Variants in CHPF2 observed in about 807,000 individuals in gnomAD.
CHPF2 encodes chondroitin polymerizing factor 2, also known as chondroitin polymerizing factor 2, non-catalytic subunit.
CHPF2 carries 58 observed loss-of-function variants against 63.0 expected under a neutral mutation model. The observed-to-expected ratio is 0.92, with a 90% CI of 0.75 to 1.15. The LOEUF is 1.15. Ranked by LOEUF, CHPF2 falls within the 50% of genes most tolerant of loss-of-function variation. The probability of loss-of-function intolerance (pLI) is 0.00; values close to 1 mark genes in which losing one functional copy is unlikely to be tolerated. For missense variants in CHPF2, 1,045 were observed against 1,035.4 expected (o/e 1.01, Z -0.13); for synonymous variants, 442 against 438.0 (o/e 1.01, Z -0.11).
At position 151,235,045 on chromosome 7, in the gene CHPF2, C is replaced by T; in HGVS notation, c.264-3C>T. ...GACCTCTGGCACACTGGTCTTTCCA[C>T]AGGACTCGGTACATCCAGACAGAGC... is the stretch of plus-strand genomic sequence containing the variant. On this transcript the variant is annotated splice_region_variant and splice_polypyrimidine_tract_variant and intron_variant, in intron 1 of 3. Coordinates refer to ENST00000035307, the MANE Select transcript of CHPF2 (RefSeq NM_019015.3). 6.5e-7 allele frequency: 1 copy of T among 1,531,942 alleles called. No homozygotes were observed. Among genetic ancestry groups the T allele is most frequent in the Non-Finnish European group, 8.8e-7 (1 of 1,137,098 alleles). The allele number at this position is 1,531,942 out of a possible 1,614,324, so 94.9% of individuals were successfully genotyped here. A position where few individuals can be genotyped will look rare whatever the true frequency, so the allele number is the denominator to read the frequency against.
Position 151,237,609 on chromosome 7 carries a change from G to A in CHPF2, c.1247G>A (p.Arg416Gln), listed in dbSNP as rs533407252. Residue 416 changes from arginine to glutamine, a missense_variant, in exon 4 of 4, where the codon CGG (arginine) becomes CAG (glutamine). By Grantham distance (43) the Arg-to-Gln change is conservative. Transcript: ENST00000035307. Reference sequence around the variant, plus strand: ...GAGACTGCCCTGGAGCAGCTCAATCGGCGCTATCAGCCCCGCCTGCGCTTC... The same window carrying A: ...GAGACTGCCCTGGAGCAGCTCAATCAGCGCTATCAGCCCCGCCTGCGCTTC... ...ALETALEQLN[R>Q]RYQPRLRFQK... The A allele has an allele frequency of 8.1e-6, 13 of 1,613,134 alleles. No individual in the cohort carries two copies. The Admixed American group carries it at 8.3e-5, about 10-fold the overall frequency.
In CHPF2 at chr7:151,235,588, C is replaced by T. The variant is rs113511143; in HGVS notation, c.804C>T (p.Gly268=). 2.3e-5 allele frequency: 37 copies of T among 1,605,588 alleles called. No individual in the cohort carries two copies. The highest frequency in any genetic ancestry group is 6.7e-5 in the Admixed American group (4 of 59,968). ...WLGRCLIDSL[G]VGCVSQHQGQ... is the part of the protein sequence containing the mutation. ...GACGCTGCCTCATTGACTCTCTGGG[C>T]GTCGGCTGTGTCTCACAGCACCAGG... is the stretch of plus-strand genomic sequence containing the variant. Residue 268 remains glycine (G), a synonymous_variant, in exon 2 of 4, where the codon GGC becomes GGT. Transcript: ENST00000035307.
Position 151,237,771 on chromosome 7 carries a change from G to A in CHPF2, c.1409G>A (p.Arg470Gln), listed in dbSNP as rs1363786972. The A allele has an allele frequency of 4.3e-6, 7 of 1,612,294 alleles. No homozygotes were observed. The highest frequency in any genetic ancestry group is 4.0e-5 in the African/African-American group (3 of 74,920). Reference sequence around the variant, plus strand: ...CTGGCTCGCAGGGTCAGCCTGCTGCGGCCACTGAGCCGGGTGGAAATCCTA... The same window carrying A: ...CTGGCTCGCAGGGTCAGCCTGCTGCAGCCACTGAGCCGGGTGGAAATCCTA... The part of the protein sequence containing the change: ...RALARRVSLL[R>Q]PLSRVEILPM... Residue 470 changes from arginine to glutamine, a missense_variant, in exon 4 of 4, where the codon CGG becomes CAG. Transcript: ENST00000035307.
At position 151,233,182 on chromosome 7, in the gene CHPF2, G is replaced by C; in HGVS notation, c.-830G>C. 3.8e-6 allele frequency: 4 copies of C among 1,040,988 alleles called. No homozygotes were observed. Among genetic ancestry groups the C allele is most frequent in the African/African-American group, 1.7e-5 (1 of 59,308 alleles). The allele number at this position is 1,040,988 out of a possible 1,614,324, so 64.5% of individuals were successfully genotyped here. Reference sequence around the variant, plus strand: ...CCAGGCACCGAATCGCTCGCACACAGAGTTCCAGTCCCCGCCTGCTGTCTC... The same window carrying C: ...CCAGGCACCGAATCGCTCGCACACACAGTTCCAGTCCCCGCCTGCTGTCTC... On this transcript the variant is annotated 5_prime_UTR_variant, in exon 1 of 4. Coordinates refer to ENST00000035307, the MANE Select transcript of CHPF2 (RefSeq NM_019015.3).
At chr7:151,236,623 C>A (rs182899436) in intron 3 of CHPF2, 33 bp downstream of exon 3, 6 of 1,513,668 alleles carry the variant, frequency 4.0e-6, no homozygotes, top group South Asian at 1.3e-5. Flanking sequence ...GGCAGAGGAC[C>A]GCAGTCAGAG....
At position 151,234,271 on chromosome 7, in the gene CHPF2, T is replaced by C; in HGVS notation, c.260T>C (p.Leu87Pro). 2 of 1,583,272 alleles carry C rather than the reference T, an allele frequency of 1.3e-6. No homozygotes were observed. Among genetic ancestry groups the C allele is most frequent in the Non-Finnish European group, 1.7e-6 (2 of 1,164,666 alleles). ...CCCAACAAGCCCTACAAGAAGGTGCTCAGGTGAGAGCAACATGTGTGCATA... is the reference window on the plus strand; with the variant it reads ...CCCAACAAGCCCTACAAGAAGGTGCCCAGGTGAGAGCAACATGTGTGCATA... ...RDPNKPYKKV[L>P]RTRYIQTELG... Residue 87 changes from leucine to proline, a missense_variant, in exon 1 of 4, where the codon CTC becomes CCC. Leu to Pro is a moderately conservative substitution (Grantham distance 98). Transcript: ENST00000035307.
Position 151,235,614 on chromosome 7 carries a change from T to C in CHPF2, c.828+2T>C. 3 of 1,600,276 alleles carry C rather than the reference T, an allele frequency of 1.9e-6. No homozygotes were observed. Among genetic ancestry groups the C allele is most frequent in the South Asian group, 2.2e-5 (2 of 90,610 alleles). The stretch of plus-strand genomic sequence containing the variant: ...GTCGGCTGTGTCTCACAGCACCAGG[T>C]GACAGCTCTTTCAAGTCAGTCCCAG... On this transcript the variant is annotated splice_donor_variant, in intron 2 of 3. Coordinates refer to ENST00000035307, the MANE Select transcript of CHPF2 (RefSeq NM_019015.3). LOFTEE classifies it high-confidence loss of function.
Position 151,235,383 on chromosome 7 carries a change from G to C in CHPF2, c.599G>C (p.Ser200Thr), listed in dbSNP as rs1022036911. The C allele has an allele frequency of 5.6e-6, 9 of 1,613,658 alleles. No individual in the cohort carries two copies. The South Asian group carries it at 8.8e-5, about 16-fold the overall frequency. ...PRLAALAGHL[S>T]INQDLYLGRA... Reference sequence around the variant, plus strand: ...CTGGCAGCCCTTGCTGGCCACCTCAGCATCAACCAAGACCTGTACTTAGGC... The same window carrying C: ...CTGGCAGCCCTTGCTGGCCACCTCACCATCAACCAAGACCTGTACTTAGGC... The change falls in exon 2 of 4, where the codon AGC becomes ACC. Residue 200 changes from serine (S) to threonine (T), a missense_variant. Coordinates refer to ENST00000035307, the MANE Select transcript of CHPF2 (RefSeq NM_019015.3).
chr7:151,237,193 A>C (rs942618327), intron 3 of CHPF2, 181 bp from the exon 4 acceptor site: 2 of 611,792 alleles, frequency 3.3e-6, no homozygotes, highest in African/African-American at 3.7e-5. Context: ...TTCCTATTCC[A>C]TCTGCATTTT....
chr7:151,236,681 G>A, intron 3 of CHPF2, 91 bp downstream of exon 3: 1 of 1,246,580 alleles, frequency 8.0e-7, no homozygotes, highest in East Asian at 2.6e-5. Context: ...ACGAGCAGCT[G>A]GCAGTGGGGC....
rs1802700254 is a variant in CHPF2, at chr7:151,237,432, C to T, written c.1070C>T (p.Pro357Leu). 1 of 1,612,612 alleles carries T rather than the reference C, an allele frequency of 6.2e-7. No homozygotes were observed. ...GAAGGGGAGGCAGGGCTGAGCTGGCCCGTTGGGCTCCCTGCTCCTTTCACA... is the reference window on the plus strand; with the variant it reads ...GAAGGGGAGGCAGGGCTGAGCTGGCTCGTTGGGCTCCCTGCTCCTTTCACA... Reference protein sequence around the residue: ...TPEGEAGLSWPVGLPAPFTPH... With the variant: ...TPEGEAGLSWLVGLPAPFTPH... The change falls in exon 4 of 4, where the codon CCC becomes CTC. Residue 357 changes from proline to leucine, a missense_variant. Pro to Leu is a moderately conservative substitution (Grantham distance 98). Coordinates refer to ENST00000035307, the MANE Select transcript of CHPF2 (RefSeq NM_019015.3).
At position 151,232,627 on chromosome 7, in the gene CHPF2, C is replaced by T. The variant is rs1438455481; in HGVS notation, c.-1385C>T. On this transcript the variant is annotated 5_prime_UTR_variant, in exon 1 of 4. Coordinates refer to ENST00000035307, the MANE Select transcript of CHPF2 (RefSeq NM_019015.3). ...GGGACGCCGCTCTTGGTCCCCACGCCTCCGCCCCGCCCCCTCCCGGGACGC... is the reference window on the plus strand; with the variant it reads ...GGGACGCCGCTCTTGGTCCCCACGCTTCCGCCCCGCCCCCTCCCGGGACGC... 4 of 863,900 alleles carry T rather than the reference C, an allele frequency of 4.6e-6. No individual in the cohort carries two copies. Among genetic ancestry groups the T allele is most frequent in the Non-Finnish European group, 6.8e-6 (4 of 592,530 alleles). 53.5% of individuals were successfully genotyped at this position (863,900 alleles called of 1,614,324 possible).
chr7:151,234,662 T>G (rs1447037351), intron 1 of CHPF2, among the ~76,000 whole-genome samples: 1 of 152,140 alleles, frequency 6.6e-6, no homozygotes, highest in Non-Finnish European at 1.5e-5. Context: ...CAGCTAATTT[T>G]GTATTTTTAG....
At position 151,233,939 on chromosome 7, in the gene CHPF2, G is replaced by A. The variant is rs984490608; in HGVS notation, c.-73G>A. 4.9e-6 allele frequency: 7 copies of A among 1,442,026 alleles called. No individual in the cohort carries two copies. The highest frequency in any genetic ancestry group is 6.4e-6 in the Non-Finnish European group (7 of 1,099,882). The allele number at this position is 1,442,026 out of a possible 1,614,324, so 89.3% of individuals were successfully genotyped here. The stretch of plus-strand genomic sequence containing the variant: ...TGGTTAAAACTGAAAGCCTACTACT[G>A]GCCTGGTGCCCATCAATCCATTGAT... On this transcript the variant is annotated 5_prime_UTR_variant, in exon 1 of 4. Transcript: ENST00000035307.
At chr7:151,237,313 G>A in intron 3 of CHPF2, 61 bp from the exon 4 acceptor site, 10 of 1,362,514 alleles carry the variant, frequency 7.3e-6, no homozygotes, top group Non-Finnish European at 1.0e-5. Flanking sequence ...AGCCCAGGCA[G>A]CTGGAGCTGG....
intron 2 of CHPF2, 49 bp downstream of exon 2, chr7:151,235,661 A>C: frequency 6.6e-7 from 1 of 1,504,852 alleles, no homozygotes; most frequent in Non-Finnish European, 9.1e-7. Flanking sequence ...CTAGTGGGGG[A>C]TGAGTGATTG....
chr7:151,237,796 A>G lies in CHPF2; in HGVS notation c.1434A>G (p.Leu478=), dbSNP rs142236355. ...GGCCACTGAGCCGGGTGGAAATCCT[A>G]CCTATGCCCTATGTCACTGAGGCCA... ...LLRPLSRVEI[L]PMPYVTEATR... is the part of the protein sequence containing the mutation. Residue 478 remains leucine (L), a synonymous_variant, in exon 4 of 4, where the codon CTA becomes CTG. Coordinates refer to ENST00000035307, the MANE Select transcript of CHPF2 (RefSeq NM_019015.3). 266 of 1,612,544 alleles carry G rather than the reference A, an allele frequency of 1.6e-4. No homozygotes were observed. Among genetic ancestry groups the G allele is most frequent in the Non-Finnish European group, 2.1e-4 (248 of 1,179,946 alleles).
intron 3 of CHPF2, chr7:151,236,999 G>GT (rs1245304211): frequency 1.1e-5 from 6 of 533,816 alleles, no homozygotes; most frequent in Non-Finnish European, 2.2e-5. Flanking sequence ...GAATTCTCAA[G>GT]TTGAACGTCA....
Position 151,235,477 on chromosome 7 carries a change from G to A in CHPF2, c.693G>A (p.Leu231=), listed in dbSNP as rs769109453. The A allele has an allele frequency of 6.2e-7, 1 of 1,611,684 alleles. No individual in the cohort carries two copies. The highest frequency in any genetic ancestry group is 8.5e-7 in the Non-Finnish European group (1 of 1,180,022). The change falls in exon 2 of 4, where the codon TTG becomes TTA. Residue 231 remains leucine (L), a synonymous_variant. Coordinates refer to ENST00000035307, the MANE Select transcript of CHPF2 (RefSeq NM_019015.3). ...GTCATGGGGGCTTTGGCTACCTGTT[G>A]TCACGGAGTCTCCTGCTTCGTCTGC... ...RYCHGGFGYL[L]SRSLLLRLRP...
Sources: allele counts gnomAD v4.1 joint callset (sites outside exome capture counted in the v4.1 genomes callset), GRCh38; gene constraint gnomAD v4.1.1; transcripts MANE v1.5; gene names NCBI Gene and HGNC (gene_info 2026-07-23, HGNC 2026-07-21).